Variants in CLN6 observed in about 807,000 individuals in gnomAD.
CLN6 encodes ceroid-lipofuscinosis neuronal protein 6.
A neutral mutation model predicts 33.3 loss-of-function variants in CLN6; 22 were observed. The observed-to-expected ratio is 0.66, with a 90% CI of 0.47 to 0.94. The LOEUF (loss-of-function observed/expected upper bound fraction) is 0.94. Among genes scored for constraint, CLN6 ranks in the 40% least tolerant of loss-of-function variants. The pLI is 0.00. For missense variants in CLN6, 387 were observed against 417.1 expected, an observed-to-expected ratio of 0.93 and a Z score of 0.63; for synonymous variants, 201 against 174.6, an observed-to-expected ratio of 1.15 and a Z score of -1.19.
intron 1 of CLN6, among the ~76,000 whole-genome samples, chr15:68,226,188 G>A (rs1028055017): frequency 1.3e-5 from 2 of 151,508 alleles, no homozygotes; most frequent in African/African-American, 4.9e-5. Flanking sequence ...GCGTGGTGCC[G>A]AGCACCTGTA....
chr15:68,208,102 T>TC lies in CLN6; in HGVS notation c.*37dup. ...TTCAGATGCCCTCCATGGCCCACCC[T>TC]CCCACCCAGCAGAGCGCCAGAGCCT... On this transcript the variant is annotated 3_prime_UTR_variant, in exon 7 of 7. Transcript: ENST00000249806. This position sits in a 1 kb window ranked among gnomAD's most constrained non-coding sequence, Gnocchi z 5.8. The TC allele has an allele frequency of 1.0e-5, 5 of 485,016 alleles. No homozygotes were observed. Among genetic ancestry groups the TC allele is most frequent in the Admixed American group, 3.2e-5 (1 of 31,694 alleles). 30.0% of individuals were successfully genotyped at this position (485,016 alleles called of 1,614,324 possible). A position where few individuals can be genotyped will look rare whatever the true frequency, so the allele number is the denominator to read the frequency against.
chr15:68,250,489 G>C (rs1892367653), intron 1 of CLN6, among the ~76,000 whole-genome samples: 1 of 152,058 alleles, frequency 6.6e-6, no homozygotes, highest in Non-Finnish European at 1.5e-5. Flanking sequence ...GCTGGGCTTA[G>C]TGGCGCATGC....
intron 2 of CLN6, 109 bp from the exon 3 acceptor site, chr15:68,214,497 C>G (rs1397078178): frequency 4.1e-6 from 3 of 733,780 alleles, no homozygotes; most frequent in African/African-American, 3.5e-5. Flanking sequence ...TTTCACCCCC[C>G]ACCCCATCAT....
chr15:68,218,224 A>T (rs951223989), intron 2 of CLN6: 1 of 339,142 alleles, frequency 2.9e-6, no homozygotes, highest in African/African-American at 2.1e-5. Flanking sequence ...TGTCTTGGTG[A>T]TTTGGTTCAA....
rs932138625 is a variant in CLN6, at chr15:68,220,231, C to T, written c.84-1581G>A. 1.3e-5 allele frequency among the ~76,000 whole-genome samples: 2 copies of T among 152,222 alleles called. No individual in the cohort carries two copies. The highest frequency in any genetic ancestry group is 4.8e-5 in the African/African-American group (2 of 41,458). ...CCCTCTACTCGGTATCTTCCACCCC[C>T]TCACTGAACACCAACTATGTGCAAT... On this transcript the variant is annotated intron_variant, in intron 1 of 6. Coordinates refer to ENST00000249806, the MANE Select transcript of CLN6 (RefSeq NM_017882.3). This position sits in a 1 kb window ranked among gnomAD's most constrained non-coding sequence, Gnocchi z 4.2.
At position 68,256,926 on chromosome 15, in the gene CLN6, A is replaced by G; in HGVS notation, c.-58T>C. 1.6e-6 allele frequency: 1 copy of G among 623,530 alleles called. No homozygotes were observed. Among genetic ancestry groups the G allele is most frequent in the Non-Finnish European group, 2.9e-6 (1 of 347,338 alleles). 38.6% of individuals were successfully genotyped at this position (623,530 alleles called of 1,614,324 possible). ...TGGGGAGGGTCAGGGTGCGCGTCCC[A>G]CCGCGTCGTGGGGCAGGGTGTAGTG... is the stretch of plus-strand genomic sequence containing the variant. On this transcript the variant is annotated 5_prime_UTR_variant, in exon 1 of 7. Transcript: ENST00000538696. This position sits in a 1 kb window ranked among gnomAD's most constrained non-coding sequence, Gnocchi z 4.1.
intron 1 of CLN6, among the ~76,000 whole-genome samples, chr15:68,229,122 G>C (rs556801782): frequency 1.3e-5 from 2 of 152,228 alleles, no homozygotes; most frequent in South Asian, 2.1e-4. Context: ...GGATAAGTTG[G>C]GGGTCCGAGT....
rs887697478 is a variant in CLN6 at position 68,208,490 on chromosome 15, A to G, written c.666-80T>C. 4.5e-6 allele frequency: 7 copies of G among 1,543,646 alleles called. No individual in the cohort carries two copies. The highest frequency in any genetic ancestry group is 4.6e-5 in the East Asian group (2 of 43,472). On this transcript the variant is annotated intron_variant, in intron 6 of 6. Transcript: ENST00000249806. The surrounding 1 kb of genome is among the most constrained non-coding windows in gnomAD (Gnocchi z 5.8). Reference sequence around the variant, plus strand: ...GCATCCCTTCCTGTGTGCGAGAGCCAGGCTGCCCTCCAGGCAGGCAGAAGA... The same window carrying G: ...GCATCCCTTCCTGTGTGCGAGAGCCGGGCTGCCCTCCAGGCAGGCAGAAGA...
rs533503757 is a variant in CLN6, at chr15:68,210,720, C to G, written c.542+543G>C. On this transcript the variant is annotated intron_variant, in intron 5 of 6. Coordinates refer to ENST00000249806, the MANE Select transcript of CLN6 (RefSeq NM_017882.3). The surrounding 1 kb of genome is among the most constrained non-coding windows in gnomAD (Gnocchi z 5.6). Reference sequence around the variant, plus strand: ...TCTGAGGTCTCCCCCGACTGAGGGACGGGGTAGGTAGGAAAAGGTGCCCCT... The same window carrying G: ...TCTGAGGTCTCCCCCGACTGAGGGAGGGGGTAGGTAGGAAAAGGTGCCCCT... 6.6e-6 allele frequency among the ~76,000 whole-genome samples: 1 copy of G among 152,126 alleles called. No homozygotes were observed. The highest frequency in any genetic ancestry group is 2.4e-5 in the African/African-American group (1 of 41,436).
chr15:68,231,663 G>A (rs960831386), upstream of CLN6, among the ~76,000 whole-genome samples: 4 of 152,256 alleles, frequency 2.6e-5, no homozygotes, highest in Admixed American at 1.3e-4. Flanking sequence ...GGATGAGGCC[G>A]TGTGGAGGGA....
intron 1 of CLN6, among the ~76,000 whole-genome samples, chr15:68,221,575 C>T (rs746333058): frequency 2.3e-4 from 35 of 152,284 alleles, no homozygotes; most frequent in African/African-American, 2.9e-4. Flanking sequence ...GATCTCGGCT[C>T]GCTACAACCT....
chr15:68,250,616 C>T (rs1043612116), intron 1 of CLN6, among the ~76,000 whole-genome samples: 9 of 134,696 alleles, frequency 6.7e-5, no homozygotes, highest in African/African-American at 2.7e-4. Flanking sequence ...CAGAGCGAGA[C>T]TCTGTCTCAA....
upstream of CLN6, among the ~76,000 whole-genome samples, chr15:68,233,686 G>T (rs929554036): frequency 2.0e-5 from 3 of 152,212 alleles, no homozygotes; most frequent in African/African-American, 7.2e-5. This position sits in a 1 kb window ranked among gnomAD's most constrained non-coding sequence, Gnocchi z 4.3. Flanking sequence ...GGATCCAGAG[G>T]CTGGGACTCC....
intron 1 of CLN6, among the ~76,000 whole-genome samples, chr15:68,237,150 C>T (rs1279703414): frequency 9.8e-6 from 1 of 101,844 alleles, no homozygotes; most frequent in Non-Finnish European, 1.8e-5. Context: ...GGCGACAGAG[C>T]GAGACTCCGT....
intron 1 of CLN6, among the ~76,000 whole-genome samples, chr15:68,225,171 TATA>T (rs1339031009): frequency 6.7e-6 from 1 of 149,246 alleles, no homozygotes; most frequent in Non-Finnish European, 1.5e-5. Context: ...TGAAGGCAAA[TATA>T]ATGAGAGAAT....
intron 1 of CLN6, among the ~76,000 whole-genome samples, chr15:68,249,239 C>T (rs1892354678): frequency 6.6e-6 from 1 of 152,202 alleles, no homozygotes; most frequent in South Asian, 2.1e-4. Flanking sequence ...TAAATTACCA[C>T]AGCTGCTATG....
At position 68,211,549 on chromosome 15, in the gene CLN6, C is replaced by A; in HGVS notation, c.486+126G>T. On this transcript the variant is annotated intron_variant, in intron 4 of 6. Coordinates refer to ENST00000249806, the MANE Select transcript of CLN6 (RefSeq NM_017882.3). This position sits in a 1 kb window ranked among gnomAD's most constrained non-coding sequence, Gnocchi z 5.9. Reference sequence around the variant, plus strand: ...TCCTAGCTTGGGGCAGGCGACAGTGCCCTCACCTAGCAGAATGCCTTTGGT... The same window carrying A: ...TCCTAGCTTGGGGCAGGCGACAGTGACCTCACCTAGCAGAATGCCTTTGGT... The A allele has an allele frequency of 6.3e-7, 1 of 1,598,312 alleles. No individual in the cohort carries two copies. Among genetic ancestry groups the A allele is most frequent in the South Asian group, 1.1e-5 (1 of 90,070 alleles).
At chr15:68,245,009 T>C (rs1162454977) in intron 1 of CLN6, among the ~76,000 whole-genome samples, 1 of 123,408 alleles carries the variant, frequency 8.1e-6, no homozygotes, top group Non-Finnish European at 1.6e-5. Flanking sequence ...CACTCCAGCT[T>C]GGATGACAGA....
At chr15:68,233,400 CA>C, upstream of CLN6, among the ~76,000 whole-genome samples, 1 of 152,312 alleles carries the variant, frequency 6.6e-6, no homozygotes, top group East Asian at 1.9e-4. This position sits in a 1 kb window ranked among gnomAD's most constrained non-coding sequence, Gnocchi z 4.3. Context: ...AAGTCACCTC[CA>C]AAGGGCTCCC....
Sources: allele counts gnomAD v4.1 joint callset (sites outside exome capture counted in the v4.1 genomes callset), GRCh38; gene constraint gnomAD v4.1.1; non-coding constraint Gnocchi (gnomAD v3.1); transcripts MANE v1.5; gene names NCBI Gene and HGNC (gene_info 2026-07-23, HGNC 2026-07-21).